The following FAR2 variants were observed in gnomAD, a reference collection of about 807,000 sequenced individuals.
The protein encoded by FAR2 is fatty acyl-CoA reductase 2.
FAR2 carries 19 observed loss-of-function variants against 56.0 expected under a neutral mutation model. That is an observed-to-expected ratio of 0.34 (90% CI 0.24 to 0.50). FAR2 has a LOEUF of 0.50. Ranked by LOEUF, FAR2 falls within the 20% of genes least tolerant of loss-of-function variation. The pLI is 0.98. For synonymous variants in FAR2, 219 were observed against 218.8 expected, an observed-to-expected ratio of 1.00 and a Z score of -0.01; for missense variants, 508 against 642.2, an observed-to-expected ratio of 0.79 and a Z score of 2.26.
intron 4 of FAR2, among the ~76,000 whole-genome samples, chr12:29,304,286 G>A (rs890847609): frequency 6.6e-6 from 1 of 152,156 alleles, no homozygotes. Flanking sequence ...ATTATCATGT[G>A]GAAGAACATG....
At chr12:29,256,662 C>A (rs879854394) in intron 1 of FAR2, among the ~76,000 whole-genome samples, 25 of 152,102 alleles carry the variant, frequency 1.6e-4, no homozygotes, top group Non-Finnish European at 2.9e-4. Flanking sequence ...CGGGCGGGAA[C>A]AGAGGCTGTG....
chr12:29,280,296 G>A (rs1304958330), intron 2 of FAR2: 1 of 152,080 alleles, frequency 6.6e-6, no homozygotes, highest in Non-Finnish European at 1.5e-5. Context: ...TTATCCCTAG[G>A]CAAGACCCTC....
chr12:29,296,058 G>T (rs10843381), intron 3 of FAR2, among the ~76,000 whole-genome samples: 1 of 152,070 alleles, frequency 6.6e-6, no homozygotes, highest in African/African-American at 2.4e-5. Context: ...GTGAGCCACC[G>T]CGCCCGGCCT....
At chr12:29,256,631 G>C (rs1952671607) in intron 1 of FAR2, among the ~76,000 whole-genome samples, 1 of 152,356 alleles carries the variant, frequency 6.6e-6, no homozygotes, top group East Asian at 1.9e-4. Context: ...CACCTTGCAG[G>C]GAGGTGTGGA....
intron 1 of FAR2, among the ~76,000 whole-genome samples, chr12:29,267,964 T>C (rs1039565240): frequency 3.3e-5 from 5 of 152,238 alleles, no homozygotes; most frequent in Admixed American, 3.3e-4. Context: ...TCTGCTTTGT[T>C]CATCTGCGTG....
At chr12:29,251,255 T>G (rs922774025) in intron 1 of FAR2, among the ~76,000 whole-genome samples, 1 of 152,226 alleles carries the variant, frequency 6.6e-6, no homozygotes, top group Non-Finnish European at 1.5e-5. Flanking sequence ...ACCTAGAACC[T>G]TTTGAATGAA....
chr12:29,220,305 G>A (rs1225230936), intron 1 of FAR2, among the ~76,000 whole-genome samples: 1 of 152,194 alleles, frequency 6.6e-6, no homozygotes, highest in Non-Finnish European at 1.5e-5. Context: ...CCGGAGTACA[G>A]TGCAAGACTT....
chr12:29,270,463 C>A lies in FAR2; in HGVS notation c.14C>A (p.Ala5Glu). MSTI[A>E]AFYGGKSILI... is the part of the protein sequence containing the mutation. ...AAGGGAGGAATCATGTCCACAATTG[C>A]AGCTTTCTATGGCGGCAAGTCCATT... Residue 5 changes from alanine (A) to glutamate (E), a missense_variant, in exon 2 of 12, where the codon GCA (alanine) becomes GAA (glutamate). Ala to Glu is a moderately radical substitution (Grantham distance 107, BLOSUM62 -1). Coordinates refer to ENST00000536681, the MANE Select transcript of FAR2 (RefSeq NM_001271783.2). The A allele has an allele frequency of 1.3e-6, 2 of 1,586,148 alleles. No homozygotes were observed. Among genetic ancestry groups the A allele is most frequent in the Non-Finnish European group, 8.6e-7 (1 of 1,160,518 alleles).
intron 1 of FAR2, among the ~76,000 whole-genome samples, chr12:29,179,238 A>G (rs1949969269): frequency 1.3e-5 from 2 of 152,196 alleles, no homozygotes; most frequent in Non-Finnish European, 2.9e-5. Context: ...TCAGCCCATA[A>G]CAATCTCTTA....
rs192953885 is a variant in FAR2 at position 29,324,439 on chromosome 12, A to G, written c.1257+2515A>G. 8.1e-3 allele frequency among the ~76,000 whole-genome samples: 1,227 copies of G among 152,302 alleles called. 9 individuals are homozygous for G. The highest frequency in any genetic ancestry group is 0.028 in the African/African-American group (1,161 of 41,538). ...CTCGAGAAGAGCAACTCCAAAACAC[A>G]TAATTGTCAGATTCACCAAAGTTGA... On this transcript the variant is annotated intron_variant, in intron 10 of 11. Coordinates refer to ENST00000536681, the MANE Select transcript of FAR2 (RefSeq NM_001271783.2).
At position 29,332,775 on chromosome 12, in the gene FAR2, C is replaced by T. The variant is rs201175494; in HGVS notation, c.1385+48C>T. ...TATTTATTGAGCACCTACTGTGCATCGACTTTATACCAGACATAACATTTG... is the reference window on the plus strand; with the variant it reads ...TATTTATTGAGCACCTACTGTGCATTGACTTTATACCAGACATAACATTTG... On this transcript the variant is annotated intron_variant, in intron 11 of 11. Transcript: ENST00000536681. 3.8e-4 allele frequency: 583 copies of T among 1,520,150 alleles called. 3 individuals are homozygous for T. In the African/African-American group the frequency reaches 5.9e-3, roughly 15 times the overall value. The allele number at this position is 1,520,150 out of a possible 1,614,324, so 94.2% of individuals were successfully genotyped here. A position where few individuals can be genotyped will look rare whatever the true frequency, so the allele number is the denominator to read the frequency against.
At chr12:29,314,332 C>G (rs1949408137) in intron 8 of FAR2, among the ~76,000 whole-genome samples, 1 of 152,040 alleles carries the variant, frequency 6.6e-6, no homozygotes, top group Non-Finnish European at 1.5e-5. Flanking sequence ...TCCATGCCCA[C>G]ACAGATGTTA....
chr12:29,247,110 C>T (rs548577936), intron 1 of FAR2, among the ~76,000 whole-genome samples: 13 of 152,252 alleles, frequency 8.5e-5, no homozygotes, highest in African/African-American at 1.7e-4. Context: ...GCACAGGTTA[C>T]GATCAGTAAC....
At chr12:29,285,159 T>C (rs1212458793) in intron 2 of FAR2, among the ~76,000 whole-genome samples, 1 of 152,092 alleles carries the variant, frequency 6.6e-6, no homozygotes, top group Non-Finnish European at 1.5e-5. Context: ...GCTAAGTTTC[T>C]TGTTAATTTT....
intron 1 of FAR2, among the ~76,000 whole-genome samples, chr12:29,209,692 CTGTG>C (rs34881464): frequency 1.1e-3 from 171 of 149,184 alleles, no homozygotes; most frequent in African/African-American, 2.7e-3. Context: ...GATGTCTGCT[CTGTG>C]TGTGTGTGTG....
chr12:29,265,473 T>C (rs971982063), intron 1 of FAR2, among the ~76,000 whole-genome samples: 2 of 152,310 alleles, frequency 1.3e-5, no homozygotes, highest in Middle Eastern at 3.4e-3. Flanking sequence ...TGGATATCTA[T>C]ATGCAGAAGA....
intron 1 of FAR2, among the ~76,000 whole-genome samples, chr12:29,234,752 C>T (rs959631393): frequency 2.0e-5 from 3 of 152,186 alleles, no homozygotes; most frequent in African/African-American, 7.2e-5. Flanking sequence ...TCTTCTTCTC[C>T]TGACTACAGT....
At chr12:29,262,369 G>T (rs1948435037) in intron 1 of FAR2, among the ~76,000 whole-genome samples, 1 of 152,178 alleles carries the variant, frequency 6.6e-6, no homozygotes, top group Non-Finnish European at 1.5e-5. Flanking sequence ...GGTGGCTCAT[G>T]CCTGTAATCC....
intron 10 of FAR2, 57 bp from the exon 11 acceptor site, chr12:29,332,542 AC>A (rs1219519226): frequency 1.2e-6 from 2 of 1,605,112 alleles, no homozygotes; most frequent in East Asian, 4.5e-5. Context: ...CCTCAAGTGG[AC>A]AAAGTGACTG....
Sources: gnomAD v4.1 joint callset for allele counts (sites outside exome capture counted in the v4.1 genomes callset) on GRCh38, gnomAD v4.1.1 for gene constraint, MANE v1.5 for transcripts, NCBI Gene and HGNC (gene_info 2026-07-23, HGNC 2026-07-21) for gene names.